Variants in RALGAPA2 observed in about 807,000 individuals in gnomAD.
The protein encoded by RALGAPA2 is Ral GTPase activating protein catalytic subunit alpha 2.
In RALGAPA2, 139 loss-of-function variants were observed where a neutral mutation model predicts 230.4. The observed-to-expected ratio is 0.60, with a 90% CI of 0.53 to 0.69. The LOEUF (loss-of-function observed/expected upper bound fraction) is 0.69. Ranked by LOEUF, RALGAPA2 falls within the 30% of genes least tolerant of loss-of-function variation. The pLI, the probability that RALGAPA2 is intolerant of heterozygous loss-of-function variation, is 0.00. For synonymous variants in RALGAPA2, 847 were observed against 837.8 expected (o/e 1.01, Z -0.19); for missense variants, 2,163 against 2,276.0 (o/e 0.95, Z 1.01).
At chr20:20,528,806 G>A (rs546264796) in intron 27 of RALGAPA2, among the ~76,000 whole-genome samples, 8 of 152,176 alleles carry the variant, frequency 5.3e-5, no homozygotes, top group East Asian at 1.9e-4. Flanking sequence ...TGTGGAGCCC[G>A]TAAAGCAGGA....
intron 38 of RALGAPA2, among the ~76,000 whole-genome samples, chr20:20,409,979 C>T (rs17717757): frequency 0.022 from 3,350 of 152,324 alleles, 56 homozygotes; most frequent in Non-Finnish European, 0.033. Flanking sequence ...AAACCATGAA[C>T]ACTATGAAAT....
At chr20:20,661,219 C>A (rs150650997) in intron 3 of RALGAPA2, among the ~76,000 whole-genome samples, 1 of 152,056 alleles carries the variant, frequency 6.6e-6, no homozygotes, top group Non-Finnish European at 1.5e-5. Context: ...AGAGCAATGG[C>A]GCAATCTTGG....
At chr20:20,430,205 G>T (rs150751004) in intron 37 of RALGAPA2, among the ~76,000 whole-genome samples, 281 of 152,344 alleles carry the variant, frequency 1.8e-3, no homozygotes, top group Non-Finnish European at 3.3e-3. Context: ...GGACCTAGTG[G>T]CACCCGGTCA....
intron 5 of RALGAPA2, among the ~76,000 whole-genome samples, chr20:20,642,860 C>T (rs1487218817): frequency 6.6e-6 from 1 of 152,148 alleles, no homozygotes; most frequent in Non-Finnish European, 1.5e-5. Flanking sequence ...ATTCGCACAA[C>T]TTAATTAACT....
At position 20,550,751 on chromosome 20, in the gene RALGAPA2, G is replaced by A. The variant is rs142530332; in HGVS notation, c.3157-3919C>T. 2.6e-5 allele frequency among the ~76,000 whole-genome samples: 4 copies of A among 152,264 alleles called. No individual in the cohort carries two copies. In the East Asian group the frequency reaches 7.7e-4, roughly 29 times the overall value. ...GTAAAATGAAATGATACTCCCTTAC[G>A]GAGCTGTATGTAATGGGATAGGAGA... On this transcript the variant is annotated intron_variant, in intron 23 of 39. Transcript: ENST00000202677.
intron 37 of RALGAPA2, among the ~76,000 whole-genome samples, chr20:20,459,481 G>C (rs966211720): frequency 6.6e-6 from 1 of 150,652 alleles, no homozygotes. Context: ...AAGCCTGCAG[G>C]CTTCTGAGGT....
At chr20:20,460,432 G>C (rs538068411) in intron 37 of RALGAPA2, among the ~76,000 whole-genome samples, 20 of 152,276 alleles carry the variant, frequency 1.3e-4, no homozygotes, top group Non-Finnish European at 2.9e-4. Context: ...AGCTGGGCAT[G>C]ACAATAAACA....
chr20:20,488,914 C>T (rs2061980580), intron 36 of RALGAPA2, among the ~76,000 whole-genome samples: 1 of 152,202 alleles, frequency 6.6e-6, no homozygotes, highest in Admixed American at 6.5e-5. Flanking sequence ...ATGAAGCACT[C>T]CTGTTCCCAA....
At chr20:20,554,131 T>C (rs997373647) in intron 23 of RALGAPA2, among the ~76,000 whole-genome samples, 3 of 152,170 alleles carry the variant, frequency 2.0e-5, no homozygotes, top group African/African-American at 4.8e-5. Flanking sequence ...ATGAAGCCTA[T>C]ACCAAAATGA....
intron 35 of RALGAPA2, among the ~76,000 whole-genome samples, chr20:20,499,784 G>A (rs979681067): frequency 1.9e-4 from 29 of 152,164 alleles, no homozygotes; most frequent in Non-Finnish European, 3.8e-4. Flanking sequence ...TGATCACTAC[G>A]GAAGTTGTCT....
chr20:20,653,402 C>T, intron 4 of RALGAPA2, 128 bp downstream of exon 4: 1 of 610,452 alleles, frequency 1.6e-6, no homozygotes, highest in Admixed American at 3.0e-5. Flanking sequence ...GTTTTCATTA[C>T]CATAATACCA....
intron 1 of RALGAPA2, among the ~76,000 whole-genome samples, chr20:20,703,149 C>T (rs1463945701): frequency 1.3e-5 from 2 of 151,478 alleles, no homozygotes; most frequent in Admixed American, 6.6e-5. Context: ...CTCCAGCCTG[C>T]GTGACAAACC....
intron 12 of RALGAPA2, among the ~76,000 whole-genome samples, chr20:20,616,675 A>T (rs1269815764): frequency 6.6e-6 from 1 of 152,220 alleles, no homozygotes; most frequent in Non-Finnish European, 1.5e-5. Context: ...TGACAGAAGC[A>T]TGGACAGCAC....
At position 20,398,396 on chromosome 20, in the gene RALGAPA2, G is replaced by A. The variant is rs1009893624; in HGVS notation, c.5618-1662C>T. On this transcript the variant is annotated intron_variant, in intron 38 of 39. Coordinates refer to ENST00000202677, the MANE Select transcript of RALGAPA2 (RefSeq NM_020343.4). This position sits in a 1 kb window ranked among gnomAD's most constrained non-coding sequence, Gnocchi z 4.5. ...TGCATCCCCAGACGCAGCCTGGTGT[G>A]GTGTGCTGGACCACAAAGAATGTCT... 6.6e-6 allele frequency among the ~76,000 whole-genome samples: 1 copy of A among 152,204 alleles called. No homozygotes were observed. Among genetic ancestry groups the A allele is most frequent in the African/African-American group, 2.4e-5 (1 of 41,438 alleles).
chr20:20,571,428 G>A lies in RALGAPA2; in HGVS notation c.3156+30C>T, dbSNP rs1487160074. ...AGTGATATGCTATTTCCAATTAATG[G>A]GCAATCACAATAAAGGAGTCGCAGA... On this transcript the variant is annotated intron_variant, in intron 23 of 39. Coordinates refer to ENST00000202677, the MANE Select transcript of RALGAPA2 (RefSeq NM_020343.4). 3 of 1,575,878 alleles carry A rather than the reference G, an allele frequency of 1.9e-6. No homozygotes were observed. The East Asian group carries it at 6.8e-5, about 36-fold the overall frequency.
intron 35 of RALGAPA2, among the ~76,000 whole-genome samples, chr20:20,497,738 C>T (rs1018683965): frequency 6.6e-6 from 1 of 152,178 alleles, no homozygotes; most frequent in Non-Finnish European, 1.5e-5. Flanking sequence ...ATACTCAGAA[C>T]TACAGCGAGG....
intron 4 of RALGAPA2, among the ~76,000 whole-genome samples, chr20:20,649,919 T>C (rs2067339462): frequency 6.6e-6 from 1 of 152,210 alleles, no homozygotes; most frequent in Non-Finnish European, 1.5e-5. Context: ...CAGTCACCTT[T>C]ATCCACCATG....
intron 1 of RALGAPA2, among the ~76,000 whole-genome samples, chr20:20,703,570 A>G (rs1404244433): frequency 6.6e-6 from 1 of 152,188 alleles, no homozygotes; most frequent in Non-Finnish European, 1.5e-5. Flanking sequence ...ATTAATATGA[A>G]CTGATTGCTT....
chr20:20,396,527 G>A (rs977141608), intron 39 of RALGAPA2, among the ~76,000 whole-genome samples, 168 bp downstream of exon 39: 11 of 152,248 alleles, frequency 7.2e-5, no homozygotes, highest in African/African-American at 1.9e-4. Context: ...CCCGGGCAGC[G>A]CAGACATGCA....
Sources: allele counts gnomAD v4.1 joint callset (sites outside exome capture counted in the v4.1 genomes callset), GRCh38; gene constraint gnomAD v4.1.1; non-coding constraint Gnocchi (gnomAD v3.1); transcripts MANE v1.5; gene names NCBI Gene and HGNC (gene_info 2026-07-23, HGNC 2026-07-21).